TENM2: variants seen among roughly 807,000 people sequenced by gnomAD.
TENM2 encodes the protein teneurin transmembrane protein 2, also known as teneurin-2.
Under a neutral mutation model 245.2 loss-of-function variants are expected in TENM2, and 52 were observed. The observed-to-expected ratio is 0.21, with a 90% confidence interval of 0.17 to 0.27. The LOEUF (loss-of-function observed/expected upper bound fraction) is 0.27. Ranked by LOEUF, TENM2 falls within the 10% of genes least tolerant of loss-of-function variation. The pLI, the probability that TENM2 is intolerant of heterozygous loss-of-function variation, is 1.00. For missense variants in TENM2, 3,046 were observed against 3,666.8 expected (o/e 0.83, Z 4.37); for synonymous variants, 1,363 against 1,438.9 (o/e 0.95, Z 1.19).
the TENM2 span, among the ~76,000 whole-genome samples, chr5:167,033,658 A>C: frequency 6.6e-6 from 1 of 152,178 alleles, no homozygotes; most frequent in Admixed American, 6.5e-5. Flanking sequence ...TTTTATATGA[A>C]AATATATTAC....
rs370814289 is a variant in TENM2, at chr5:167,458,022, T to G, written c.502+82549T>G. ...TTTTTTAATACGACATTTTACTAAT[T>G]GTCTTAGACTTGGTGATATAGCTAG... On this transcript the variant is annotated intron_variant, in intron 2 of 28. Transcript: ENST00000518659. 4.9e-3 allele frequency among the ~76,000 whole-genome samples: 739 copies of G among 152,294 alleles called. 15 individuals are homozygous for G. In the South Asian group the frequency reaches 0.081, roughly 17 times the overall value.
chr5:167,748,560 G>A, intron 2 of TENM2, among the ~76,000 whole-genome samples: 1 of 150,782 alleles, frequency 6.6e-6, no homozygotes, highest in East Asian at 1.9e-4. Flanking sequence ...GGCTCTTTTT[G>A]TGTGTGTTTA....
At chr5:167,691,347 A>T (rs551765420) in intron 2 of TENM2, among the ~76,000 whole-genome samples, 33 of 152,300 alleles carry the variant, frequency 2.2e-4, no homozygotes, top group African/African-American at 7.9e-4. Flanking sequence ...ATGAGTAGAA[A>T]AAAATAAGAC....
chr5:167,316,388 A>G (rs1756365565), intron 1 of TENM2, among the ~76,000 whole-genome samples: 2 of 152,196 alleles, frequency 1.3e-5, no homozygotes, highest in South Asian at 2.1e-4. Flanking sequence ...AGAGTTGTAC[A>G]TGAGCAGATG....
intron 2 of TENM2, among the ~76,000 whole-genome samples, chr5:167,631,126 A>G (rs1420142139): frequency 6.6e-6 from 1 of 152,194 alleles, no homozygotes; most frequent in Non-Finnish European, 1.5e-5. Context: ...AAGATTTAAG[A>G]AAGATGAGAT....
At chr5:167,176,625 G>C in the TENM2 span, among the ~76,000 whole-genome samples, 1 of 152,164 alleles carries the variant, frequency 6.6e-6, no homozygotes, top group Non-Finnish European at 1.5e-5. Flanking sequence ...TCATATCTCT[G>C]TGCTTTGCAG....
At chr5:167,951,748 G>A (rs757236390) in intron 3 of TENM2, among the ~76,000 whole-genome samples, 3 of 152,122 alleles carry the variant, frequency 2.0e-5, no homozygotes, top group Non-Finnish European at 2.9e-5. Context: ...TGAGCTGAGT[G>A]GGCTCACAGG....
intron 2 of TENM2, among the ~76,000 whole-genome samples, chr5:167,699,046 A>G (rs1272568335): frequency 6.6e-6 from 1 of 152,086 alleles, no homozygotes; most frequent in Non-Finnish European, 1.5e-5. Flanking sequence ...AGAACTGAGA[A>G]TTAATTCTAC....
rs180769680 is a variant in TENM2, at chr5:168,064,226, G to T, written c.1515+1961G>T. On this transcript the variant is annotated intron_variant, in intron 7 of 28. Coordinates refer to ENST00000518659, the Ensembl canonical transcript of TENM2. ...GTTAAGTGGTGTCCTTGACCTTCAG[G>T]CTCCACTGATTCTCTTGTAGCAAAA... 2.0e-5 allele frequency among the ~76,000 whole-genome samples: 3 copies of T among 152,186 alleles called. No individual in the cohort carries two copies. The East Asian group carries it at 5.8e-4, about 29-fold the overall frequency.
intron 2 of TENM2, among the ~76,000 whole-genome samples, chr5:167,393,211 A>G (rs2127367724): frequency 1.3e-5 from 2 of 152,124 alleles, no homozygotes; most frequent in South Asian, 4.2e-4. Context: ...AATAGAAGAG[A>G]GGGAGAGATA....
intron 3 of TENM2, among the ~76,000 whole-genome samples, chr5:167,941,919 A>T (rs952858101): frequency 9.2e-5 from 14 of 151,640 alleles, no homozygotes; most frequent in Admixed American, 9.2e-4. Flanking sequence ...CAACATCTCA[A>T]AAAACAGGCC....
At chr5:168,219,394 AACAC>A (rs1272866692) in intron 23 of TENM2, among the ~76,000 whole-genome samples, 1 of 152,222 alleles carries the variant, frequency 6.6e-6, no homozygotes, top group African/African-American at 2.4e-5. Flanking sequence ...TAGGTCCAGC[AACAC>A]ACTTGATTGC....
intron 6 of TENM2, among the ~76,000 whole-genome samples, chr5:168,048,684 A>G (rs1310263605): frequency 1.3e-5 from 2 of 152,218 alleles, no homozygotes; most frequent in Admixed American, 1.3e-4. Flanking sequence ...TCCAGAATTC[A>G]TCTGCCCCCA....
the TENM2 span, among the ~76,000 whole-genome samples, chr5:167,269,845 G>C: frequency 2.6e-5 from 4 of 151,984 alleles, 1 homozygote; most frequent in South Asian, 8.3e-4. Context: ...AAGAAATTTA[G>C]AACCATCCCA....
At chr5:167,233,703 T>C in the TENM2 span, among the ~76,000 whole-genome samples, 1 of 152,198 alleles carries the variant, frequency 6.6e-6, no homozygotes, top group South Asian at 2.1e-4. Flanking sequence ...TTCCCCTAAG[T>C]ATAAAAGCCA....
chr5:167,848,935 C>T (rs1770307292), intron 2 of TENM2, among the ~76,000 whole-genome samples: 1 of 152,000 alleles, frequency 6.6e-6, no homozygotes. Context: ...GTTTTTTTGG[C>T]CACATTGTAT....
the TENM2 span, among the ~76,000 whole-genome samples, chr5:167,044,073 G>GA: frequency 2.0e-5 from 3 of 151,812 alleles, no homozygotes; most frequent in African/African-American, 7.3e-5. Context: ...AGGAAGGAAG[G>GA]AAGGAAGGAA....
chr5:167,730,364 G>T (rs1357811702), intron 2 of TENM2, among the ~76,000 whole-genome samples: 1 of 152,160 alleles, frequency 6.6e-6, no homozygotes, highest in Non-Finnish European at 1.5e-5. Flanking sequence ...ATTTCCAATT[G>T]TATATTGTTT....
chr5:167,359,135 A>G (rs1245148682), intron 1 of TENM2, among the ~76,000 whole-genome samples: 1 of 152,180 alleles, frequency 6.6e-6, no homozygotes, highest in African/African-American at 2.4e-5. Context: ...CAATCCTTTT[A>G]AAATGTAAAT....
Sources: gnomAD v4.1 joint callset for allele counts (sites outside exome capture counted in the v4.1 genomes callset) on GRCh38, gnomAD v4.1.1 for gene constraint, MANE v1.5 for transcripts, NCBI Gene and HGNC (gene_info 2026-07-23, HGNC 2026-07-21) for gene names.